The following ZC3H12B variants were observed in gnomAD, a reference collection of about 807,000 sequenced individuals.
ZC3H12B encodes probable ribonuclease ZC3H12B.
A neutral mutation model predicts 43.9 loss-of-function variants in ZC3H12B; 7 were observed. That is an observed-to-expected ratio of 0.16 (90% CI 0.09 to 0.30). ZC3H12B has a LOEUF of 0.30. Ranked by LOEUF, ZC3H12B falls within the 10% of genes least tolerant of loss-of-function variation. The pLI is 1.00. For missense variants in ZC3H12B, 475 were observed against 670.2 expected (o/e 0.71, Z 3.22); for synonymous variants, 222 against 241.7 (o/e 0.92, Z 0.76).
chrX:65,274,730 C>T, the ZC3H12B span, among the ~76,000 whole-genome samples: 1 of 110,747 alleles, frequency 9.0e-6, no homozygotes, highest in East Asian at 2.9e-4. Context: ...CAGCACCCTC[C>T]CCACTCAGAC....
the ZC3H12B span, among the ~76,000 whole-genome samples, chrX:65,218,985 T>C: frequency 8.9e-6 from 1 of 111,928 alleles, no homozygotes; most frequent in Non-Finnish European, 1.9e-5. Context: ...TGAAGACAGA[T>C]CATATTACAA....
chrX:65,299,758 T>C, the ZC3H12B span, among the ~76,000 whole-genome samples: 9 of 112,448 alleles, frequency 8.0e-5, no homozygotes, highest in Admixed American at 8.5e-4. Context: ...AAAGGAAAGC[T>C]GAGAGAATCC....
the ZC3H12B span, among the ~76,000 whole-genome samples, chrX:65,220,045 C>T: frequency 2.7e-5 from 3 of 111,050 alleles, no homozygotes; most frequent in Admixed American, 1.9e-4. Flanking sequence ...GATAGGGGTC[C>T]GATCTTTAGC....
At chrX:65,179,416 A>C in the ZC3H12B span, among the ~76,000 whole-genome samples, 1 of 110,621 alleles carries the variant, frequency 9.0e-6, no homozygotes, top group Non-Finnish European at 1.9e-5. Flanking sequence ...TAAAAAAAAA[A>C]AAGATCTAAA....
intron 3 of ZC3H12B, among the ~76,000 whole-genome samples, chrX:65,417,732 T>C (rs16989629): frequency 0.037 from 4,210 of 113,062 alleles, 187 homozygotes; most frequent in African/African-American, 0.13. Flanking sequence ...CCAGCCTTTT[T>C]GCGTGGGCAA....
chrX:65,353,861 G>A, the ZC3H12B span, among the ~76,000 whole-genome samples: 1 of 111,429 alleles, frequency 9.0e-6, no homozygotes, highest in Non-Finnish European at 1.9e-5. Flanking sequence ...GTTCAAACTG[G>A]GCAGAGCCCA....
chrX:65,104,610 C>G, the ZC3H12B span, among the ~76,000 whole-genome samples: 1 of 111,981 alleles, frequency 8.9e-6, no homozygotes, highest in South Asian at 3.7e-4. Flanking sequence ...TGAGCAAACA[C>G]TTCTCAAAAG....
chrX:65,455,953 T>G (rs1187904509), intron 3 of ZC3H12B, among the ~76,000 whole-genome samples: 2 of 111,479 alleles, frequency 1.8e-5, no homozygotes, highest in Non-Finnish European at 3.8e-5. Context: ...CACCAGGCCT[T>G]CCCTAAAAGA....
rs1374850229 is a variant in ZC3H12B at position 65,372,537 on chromosome X, G to GAAGA, written n.295+3542_295+3543insAAAG. Among the ~76,000 whole-genome samples the GAAGA allele has an allele frequency of 9.0e-5, 9 of 99,900 alleles. No homozygotes were observed. The South Asian group carries it at 3.7e-3, about 41-fold the overall frequency. The allele number at this position is 99,900 out of a possible 115,157, so 86.8% of individuals were successfully genotyped here. On this transcript the variant is annotated intron_variant and non_coding_transcript_variant, in intron 2 of 5. Transcript: ENST00000617377. ...GGAAGGAAGGAAGGAAGGAAGGAAG[G>GAAGA]AAGGAAGGAAAACATGTCAATTTGA... is the stretch of plus-strand genomic sequence containing the variant.
upstream of ZC3H12B, among the ~76,000 whole-genome samples, chrX:65,487,072 A>G (rs759904287): frequency 8.9e-6 from 1 of 112,625 alleles, no homozygotes; most frequent in Non-Finnish European, 1.9e-5. Context: ...CACTAAGGGA[A>G]ATTTTTAAAG....
chrX:65,339,722 G>T, the ZC3H12B span, among the ~76,000 whole-genome samples: 1 of 111,292 alleles, frequency 9.0e-6, no homozygotes, highest in African/African-American at 3.3e-5. Context: ...CCTGTTTGCA[G>T]TGCTTTGGGG....
chrX:65,061,142 ATTC>A, the ZC3H12B span, among the ~76,000 whole-genome samples: 8 of 110,773 alleles, frequency 7.2e-5, no homozygotes, highest in East Asian at 2.8e-4. Flanking sequence ...TTTTATTTTT[ATTC>A]TTATTTTTAT....
At chrX:65,177,418 T>A in the ZC3H12B span, among the ~76,000 whole-genome samples, 3 of 112,165 alleles carry the variant, frequency 2.7e-5, no homozygotes, top group East Asian at 8.4e-4. Flanking sequence ...GTATTGGAAG[T>A]TCTGGCCAGG....
At chrX:65,206,486 C>T in the ZC3H12B span, among the ~76,000 whole-genome samples, 2 of 111,759 alleles carry the variant, frequency 1.8e-5, no homozygotes, top group Non-Finnish European at 3.8e-5. Flanking sequence ...GGATCCTCAT[C>T]TCTCACCTTA....
the ZC3H12B span, among the ~76,000 whole-genome samples, chrX:65,091,176 G>T: frequency 9.3e-6 from 1 of 108,058 alleles, no homozygotes. Flanking sequence ...CTTATAAGAG[G>T]GAGACAGAAG....
chrX:65,373,168 A>C (rs2066271200), intron 2 of ZC3H12B, among the ~76,000 whole-genome samples: 1 of 112,352 alleles, frequency 8.9e-6, no homozygotes, highest in South Asian at 3.7e-4. Flanking sequence ...CATATGTAAA[A>C]CCATTTTGTA....
intron 2 of ZC3H12B, among the ~76,000 whole-genome samples, chrX:65,383,621 A>G (rs2066476600): frequency 9.0e-6 from 1 of 111,271 alleles, no homozygotes; most frequent in African/African-American, 3.3e-5. Context: ...ATTAAACTAA[A>G]GAGCTTCTGC....
At chrX:65,449,448 C>T (rs2067438233) in intron 3 of ZC3H12B, among the ~76,000 whole-genome samples, 1 of 110,478 alleles carries the variant, frequency 9.1e-6, no homozygotes, top group Non-Finnish European at 1.9e-5. Context: ...GCAAAACCCC[C>T]TCTGTAGTAA....
chrX:65,233,845 A>G, the ZC3H12B span, among the ~76,000 whole-genome samples: 2 of 111,598 alleles, frequency 1.8e-5, no homozygotes, highest in African/African-American at 6.5e-5. Flanking sequence ...CAGACTATGA[A>G]AAACAGGGAA....
Sources: allele counts gnomAD v4.1 joint callset (sites outside exome capture counted in the v4.1 genomes callset), GRCh38; gene constraint gnomAD v4.1.1; transcripts MANE v1.5; gene names NCBI Gene and HGNC (gene_info 2026-07-23, HGNC 2026-07-21).